ARHGAP35: variants seen among roughly 807,000 people sequenced by gnomAD.
ARHGAP35 encodes the protein Rho GTPase activating protein 35.
In ARHGAP35, 15 loss-of-function variants were observed where a neutral mutation model predicts 111.1. The ratio of observed to expected loss-of-function variants is 0.13; its 90% CI spans 0.09 to 0.21. The LOEUF is 0.21. Among genes scored for constraint, ARHGAP35 ranks in the 10% least tolerant of loss-of-function variants. ARHGAP35 has a pLI of 1.00. For missense variants in ARHGAP35, 1,262 were observed against 1,873.0 expected (o/e 0.67, Z 6.02); for synonymous variants, 643 against 710.3 (o/e 0.91, Z 1.51).
At chr19:46,862,159 C>T (rs2055832352) in intron 1 of ARHGAP35, among the ~76,000 whole-genome samples, 1 of 152,106 alleles carries the variant, frequency 6.6e-6, no homozygotes, top group African/African-American at 2.4e-5. Context: ...TGCTGCGCTC[C>T]CCTCACCTGC....
intron 1 of ARHGAP35, among the ~76,000 whole-genome samples, chr19:46,876,049 C>T (rs953759956): frequency 3.3e-5 from 5 of 152,088 alleles, no homozygotes; most frequent in African/African-American, 1.2e-4. Flanking sequence ...CTGCACCCTC[C>T]GACAAGGCCC....
At position 46,959,942 on chromosome 19, in the gene ARHGAP35, A is replaced by AT. The variant is rs1172558139; in HGVS notation, c.3826+22550dup. 8.3e-3 allele frequency among the ~76,000 whole-genome samples: 1,206 copies of AT among 145,186 alleles called. 7 individuals carry two copies. Among genetic ancestry groups the AT allele is most frequent in the Middle Eastern group, 0.021 (6 of 286 alleles). The stretch of plus-strand genomic sequence containing the variant: ...GCAAGACCTTGCCTCTACAAAAAAA[A>AT]TTTTTTTTTTTTTTTTAGTTAGCCA... On this transcript the variant is annotated intron_variant, in intron 3 of 6. Coordinates refer to ENST00000672722, the MANE Select transcript of ARHGAP35 (RefSeq NM_004491.5).
intron 3 of ARHGAP35, among the ~76,000 whole-genome samples, chr19:46,960,668 T>A (rs1198694280): frequency 6.6e-6 from 1 of 152,220 alleles, no homozygotes; most frequent in African/African-American, 2.4e-5. Flanking sequence ...TTCTCAAAGT[T>A]ACCTGCTATT....
At chr19:46,951,503 T>C (rs774244156) in intron 3 of ARHGAP35, among the ~76,000 whole-genome samples, 24 of 152,158 alleles carry the variant, frequency 1.6e-4, no homozygotes, top group Admixed American at 2.0e-4. Context: ...GGAGCCAAAC[T>C]GTCTGGAATC....
intron 1 of ARHGAP35, among the ~76,000 whole-genome samples, chr19:46,872,425 G>GTT (rs373370367): frequency 1.2e-4 from 17 of 139,794 alleles, no homozygotes; most frequent in Non-Finnish European, 2.0e-4. Flanking sequence ...GATTAAACAA[G>GTT]TTTTTTTTTT....
chr19:46,938,621 G>A (rs986817595), intron 3 of ARHGAP35, among the ~76,000 whole-genome samples: 1 of 151,224 alleles, frequency 6.6e-6, no homozygotes, highest in African/African-American at 2.4e-5. Flanking sequence ...CCAAAGTGCT[G>A]GGATTACAGG....
intron 3 of ARHGAP35, among the ~76,000 whole-genome samples, chr19:46,961,041 C>A (rs1228947235): frequency 2.0e-5 from 3 of 152,018 alleles, no homozygotes; most frequent in Non-Finnish European, 4.4e-5. Flanking sequence ...ATTACCGGCG[C>A]CTGCCACCAC....
Position 46,918,920 on chromosome 19 carries a change from C to G in ARHGAP35, c.245C>G (p.Ser82Cys), listed in dbSNP as rs1344721392. Reference sequence around the variant, plus strand: ...CTCTACTGGGGAGAAGTTAGCCGCTCCCTGGAGGATTGTGTGGAATGTAAG... The same window carrying G: ...CTCTACTGGGGAGAAGTTAGCCGCTGCCTGGAGGATTGTGTGGAATGTAAG... ...HFLYWGEVSR[S>C]LEDCVECKMH... The change falls in exon 2 of 7, where the codon TCC becomes TGC. Residue 82 changes from serine to cysteine, a missense_variant. Around this residue, in one of 8 missense-constraint regions of ARHGAP35, gnomAD observed 125 missense variants for 301.7 expected, o/e 0.41. Coordinates refer to ENST00000672722, the MANE Select transcript of ARHGAP35 (RefSeq NM_004491.5). The surrounding 1 kb of genome is among the most constrained non-coding windows in gnomAD (Gnocchi z 5.4). 6.2e-7 allele frequency: 1 copy of G among 1,613,920 alleles called. No homozygotes were observed. Among genetic ancestry groups the G allele is most frequent in the Admixed American group, 1.7e-5 (1 of 60,006 alleles).
intron 1 of ARHGAP35, among the ~76,000 whole-genome samples, chr19:46,903,172 T>A (rs895487890): frequency 6.6e-6 from 1 of 152,046 alleles, no homozygotes; most frequent in Non-Finnish European, 1.5e-5. Flanking sequence ...GGGAGACACA[T>A]GCAATAGTGA....
At chr19:46,872,767 G>A (rs2055894580) in intron 1 of ARHGAP35, among the ~76,000 whole-genome samples, 1 of 151,890 alleles carries the variant, frequency 6.6e-6, no homozygotes. Flanking sequence ...TGTAGTCCCA[G>A]CTACTCAGGA....
intron 1 of ARHGAP35, among the ~76,000 whole-genome samples, chr19:46,877,574 A>G (rs1599794672): frequency 6.6e-6 from 1 of 150,484 alleles, no homozygotes; most frequent in African/African-American, 2.5e-5. Context: ...TCAAAAAATA[A>G]CAATAAATAA....
chr19:46,941,876 T>TCAAA (rs375006467), intron 3 of ARHGAP35, among the ~76,000 whole-genome samples: 1 of 94,554 alleles, frequency 1.1e-5, no homozygotes, highest in Admixed American at 1.3e-4. Flanking sequence ...CCTGTCTCTT[T>TCAAA]AAAAAAAAAA....
At chr19:46,879,691 G>A (rs1257137841) in intron 1 of ARHGAP35, among the ~76,000 whole-genome samples, 1 of 145,232 alleles carries the variant, frequency 6.9e-6, no homozygotes, top group Non-Finnish European at 1.5e-5. Flanking sequence ...GGGTGAGGCA[G>A]GAGAATCGCT....
At chr19:46,959,133 C>T (rs1169182783) in intron 3 of ARHGAP35, among the ~76,000 whole-genome samples, 1 of 152,104 alleles carries the variant, frequency 6.6e-6, no homozygotes, top group Non-Finnish European at 1.5e-5. Flanking sequence ...GACTAGAGTG[C>T]AGTGGCACAA....
chr19:46,864,253 G>T (rs1286726976), intron 1 of ARHGAP35, among the ~76,000 whole-genome samples: 1 of 152,106 alleles, frequency 6.6e-6, no homozygotes, highest in African/African-American at 2.4e-5. Context: ...CTCTATGGTT[G>T]TGGGGGGGTA....
chr19:46,974,348 T>C (rs1018798942), intron 3 of ARHGAP35, among the ~76,000 whole-genome samples: 4 of 152,188 alleles, frequency 2.6e-5, no homozygotes, highest in African/African-American at 9.7e-5. Flanking sequence ...GAAGTAAGCT[T>C]ACCCACACTT....
At chr19:46,938,781 C>T (rs1010830981) in intron 3 of ARHGAP35, among the ~76,000 whole-genome samples, 5 of 151,962 alleles carry the variant, frequency 3.3e-5, no homozygotes, top group African/African-American at 1.2e-4. Context: ...CCTCAGCCTC[C>T]TGAGTAGCTG....
At chr19:46,899,095 T>C (rs543641710) in intron 1 of ARHGAP35, among the ~76,000 whole-genome samples, 2 of 152,208 alleles carry the variant, frequency 1.3e-5, no homozygotes, top group African/African-American at 2.4e-5. Context: ...CGGAGGAGAA[T>C]GTAGAAGGGC....
intron 1 of ARHGAP35, among the ~76,000 whole-genome samples, chr19:46,889,897 A>ATGG (rs2056015858): frequency 6.6e-6 from 1 of 152,162 alleles, no homozygotes; most frequent in Admixed American, 6.6e-5. Context: ...CTAGTGAGAC[A>ATGG]TGGCTAGACG....
Sources: gnomAD v4.1 joint callset for allele counts (sites outside exome capture counted in the v4.1 genomes callset) on GRCh38, gnomAD v4.1.1 for gene constraint, gnomAD v4.1.1 regional missense constraint, Gnocchi (gnomAD v3.1) non-coding constraint, MANE v1.5 for transcripts, NCBI Gene and HGNC (gene_info 2026-07-23, HGNC 2026-07-21) for gene names.